The following AFM variants were observed in gnomAD, a reference collection of about 807,000 sequenced individuals.
AFM encodes afamin.
Under a neutral mutation model 68.7 loss-of-function variants are expected in AFM, and 82 were observed. The ratio of observed to expected loss-of-function variants is 1.19; its 90% CI spans 1.00 to 1.43. The LOEUF (loss-of-function observed/expected upper bound fraction) is 1.43. Among genes scored for constraint, AFM ranks in the 40% most tolerant of loss-of-function variants. AFM has a pLI of 0.00. For synonymous variants in AFM, 250 were observed against 234.2 expected, an observed-to-expected ratio of 1.07 and a Z score of -0.61; for missense variants, 772 against 701.8, an observed-to-expected ratio of 1.10 and a Z score of -1.13.
At chr4:73,492,261 T>C (rs1230464227) in intron 8 of AFM, among the ~76,000 whole-genome samples, 175 bp downstream of exon 8, 1 of 152,170 alleles carries the variant, frequency 6.6e-6, no homozygotes, top group Non-Finnish European at 1.5e-5. Flanking sequence ...TAAGAAAAAA[T>C]CAACTGTATT....
rs1402910030 is a variant in AFM, at chr4:73,501,838, G to T, written c.1698G>T (p.Leu566=). 2 of 1,613,382 alleles carry T rather than the reference G, an allele frequency of 1.2e-6. No individual in the cohort carries two copies. Among genetic ancestry groups the T allele is most frequent in the Admixed American group, 1.7e-5 (1 of 59,902 alleles). ...KLKHELTDEE[L]QSLFTNFANV... Reference sequence around the variant, plus strand: ...AGCATGAACTCACAGATGAAGAGCTGCAGTCTTTGTTTACAAATTTCGCAA... The same window carrying T: ...AGCATGAACTCACAGATGAAGAGCTTCAGTCTTTGTTTACAAATTTCGCAA... The change falls in exon 13 of 15, where the codon CTG becomes CTT. Residue 566 remains leucine, a synonymous_variant. Coordinates refer to ENST00000226355, the MANE Select transcript of AFM (RefSeq NM_001133.2).
chr4:73,494,652 A>G (rs959048706), intron 8 of AFM, among the ~76,000 whole-genome samples: 10 of 152,226 alleles, frequency 6.6e-5, no homozygotes, highest in Admixed American at 5.2e-4. Context: ...AAGCACATCT[A>G]TATCTGTTAT....
chr4:73,492,221 T>C (rs1196520976), intron 8 of AFM, 135 bp downstream of exon 8: 18 of 743,430 alleles, frequency 2.4e-5, no homozygotes, highest in Non-Finnish European at 3.1e-5. Context: ...TTTTAAATCA[T>C]GGCTATAGAG....
At chr4:73,481,948 T>G in intron 1 of AFM, 85 bp downstream of exon 1, 1 of 968,514 alleles carries the variant, frequency 1.0e-6, no homozygotes, top group Non-Finnish European at 1.6e-6. Context: ...TTCAAGTTAA[T>G]TCTTTACTTG....
chr4:73,498,076 C>G (rs1032270572), intron 10 of AFM, among the ~76,000 whole-genome samples: 1 of 152,162 alleles, frequency 6.6e-6, no homozygotes, highest in Non-Finnish European at 1.5e-5. Flanking sequence ...TATTTCAGGT[C>G]ATTACAGTTT....
Position 73,497,733 on chromosome 4 carries a change from G to T in AFM, c.1273G>T (p.Asp425Tyr), listed in dbSNP as rs779842103. 1.9e-6 allele frequency: 3 copies of T among 1,602,526 alleles called. No individual in the cohort carries two copies. Among genetic ancestry groups the T allele is most frequent in the African/African-American group, 2.7e-5 (2 of 74,300 alleles). The change falls in exon 10 of 15, where the codon GAT becomes TAT. Residue 425 changes from aspartate (D) to tyrosine (Y), a missense_variant. Physicochemically the swap from Asp to Tyr is radical, Grantham distance 160. Coordinates refer to ENST00000226355, the MANE Select transcript of AFM (RefSeq NM_001133.2). ...TAAACATTTCCAGAATTTGGGGAAG[G>T]ATGGTTTGAAATACCAGTATGTTGT... ...ECKHFQNLGK[D>Y]GLKYHYLIRL...
chr4:73,490,729 T>C (rs1007175475), intron 7 of AFM, among the ~76,000 whole-genome samples: 1 of 152,246 alleles, frequency 6.6e-6, no homozygotes, highest in Non-Finnish European at 1.5e-5. Flanking sequence ...GGATTATGTC[T>C]CAAATTTCCT....
rs750166404 is a variant in AFM, at chr4:73,487,787, C to A, written c.679C>A (p.Leu227Ile). ...SSYQKHVCGA[L>I]LKFGTKVVHF... ...TTATCAAAAACATGTCTGTGGGGCA[C>A]TTTTGAAATTTGGAACCAAAGTTGT... Residue 227 changes from leucine to isoleucine, a missense_variant, in exon 6 of 15, where the codon CTT (leucine) becomes ATT (isoleucine). By Grantham distance (5) the Leu-to-Ile change is conservative. Coordinates refer to ENST00000226355, the MANE Select transcript of AFM (RefSeq NM_001133.2). 4 of 1,612,748 alleles carry A rather than the reference C, an allele frequency of 2.5e-6. No individual in the cohort carries two copies. In the African/African-American group the frequency reaches 5.3e-5, roughly 22 times the overall value.
intron 7 of AFM, among the ~76,000 whole-genome samples, chr4:73,489,171 T>C (rs1480211689): frequency 1.3e-5 from 2 of 152,178 alleles, no homozygotes; most frequent in African/African-American, 4.8e-5. Flanking sequence ...CCTTACGCTA[T>C]TCAGGTATAG....
chr4:73,497,810 A>G, intron 10 of AFM, 61 bp downstream of exon 10: 1 of 1,067,052 alleles, frequency 9.4e-7, no homozygotes, highest in Non-Finnish European at 1.3e-6. Flanking sequence ...TAATCCCTCG[A>G]AGCGTAAAAA....
chr4:73,481,935 T>C (rs1296218200), intron 1 of AFM, 72 bp downstream of exon 1: 1 of 1,118,154 alleles, frequency 8.9e-7, no homozygotes, highest in African/African-American at 1.6e-5. Context: ...AATTTTGTTT[T>C]CTTTCAAGTT....
intron 9 of AFM, among the ~76,000 whole-genome samples, chr4:73,495,641 T>C (rs1409112738): frequency 6.6e-6 from 1 of 152,230 alleles, no homozygotes; most frequent in Non-Finnish European, 1.5e-5. Flanking sequence ...TAATCCAATG[T>C]GTTAATTCAA....
At chr4:73,499,290 T>TTA (rs1721352673) in intron 11 of AFM, 44 bp downstream of exon 11, 44 of 1,038,250 alleles carry the variant, frequency 4.2e-5, no homozygotes, top group South Asian at 8.0e-5. Context: ...TTTTTTTTTT[T>TTA]AAAAAAAAGA....
Position 73,500,235 on chromosome 4 carries a change from T to C in AFM, c.1646+8T>C, listed in dbSNP as rs573805665. 1.4e-4 allele frequency: 216 copies of C among 1,598,500 alleles called. 6 individuals are homozygous for C. The South Asian group carries it at 2.3e-3, about 17-fold the overall frequency. ...TCAGAGGAAGACAGACAGGTACAAA[T>C]AATCTCTTCCATTCTTCTTTTTCTT... On this transcript the variant is annotated splice_region_variant and intron_variant, in intron 12 of 14. Transcript: ENST00000226355.
chr4:73,491,670 T>G (rs1437063378), intron 7 of AFM, among the ~76,000 whole-genome samples: 1 of 152,236 alleles, frequency 6.6e-6, no homozygotes, highest in Non-Finnish European at 1.5e-5. Flanking sequence ...TTATATCATC[T>G]TAAATCCTGA....
rs137888316 is a variant in AFM at position 73,492,738 on chromosome 4, G to A, written c.1058+652G>A. On this transcript the variant is annotated intron_variant, in intron 8 of 14. Transcript: ENST00000226355. ...TTGAACCTGGGAGGCAGAGGTTGCC[G>A]TGAGCCGAGATCACGCACTGCACTC... Among the ~76,000 whole-genome samples, 957 of 148,984 alleles carry A rather than the reference G, an allele frequency of 6.4e-3. 3 individuals carry two copies. Among genetic ancestry groups the A allele is most frequent in the Non-Finnish European group, 7.2e-3 (483 of 67,516 alleles).
chr4:73,499,012 A>G (rs1291469727), intron 10 of AFM, 102 bp from the exon 11 acceptor site: 2 of 1,227,056 alleles, frequency 1.6e-6, no homozygotes, highest in Non-Finnish European at 2.2e-6. Flanking sequence ...TTGCACCTAT[A>G]TTGGTTGTCG....
chr4:73,485,653 AGGG>A (rs1361897444), intron 3 of AFM, among the ~76,000 whole-genome samples: 7 of 131,058 alleles, frequency 5.3e-5, no homozygotes, highest in Non-Finnish European at 1.1e-4. Context: ...AAGAAGAAGA[AGGG>A]GAGGAGGAGG....
intron 12 of AFM, 140 bp downstream of exon 12, chr4:73,500,367 T>C: frequency 1.3e-6 from 1 of 752,806 alleles, no homozygotes; most frequent in Non-Finnish European, 2.1e-6. Context: ...CTCTTCTATA[T>C]GGAAAAATAC....
Sources: allele counts gnomAD v4.1 joint callset (sites outside exome capture counted in the v4.1 genomes callset), GRCh38; gene constraint gnomAD v4.1.1; transcripts MANE v1.5; gene names NCBI Gene and HGNC (gene_info 2026-07-23, HGNC 2026-07-21).